DEPDC5: variants seen among roughly 807,000 people sequenced by gnomAD.
DEPDC5 encodes DEP domain containing 5, GATOR1 subcomplex subunit.
DEPDC5 carries 73 observed loss-of-function variants against 217.3 expected under a neutral mutation model. That is an observed-to-expected ratio of 0.34 (90% CI 0.28 to 0.41). DEPDC5 has a LOEUF of 0.41. Among genes scored for constraint, DEPDC5 ranks in the 10% least tolerant of loss-of-function variants. DEPDC5 has a pLI of 1.00. For synonymous variants in DEPDC5, 733 were observed against 756.7 expected, an observed-to-expected ratio of 0.97 and a Z score of 0.51; for missense variants, 1,675 against 2,070.1, an observed-to-expected ratio of 0.81 and a Z score of 3.70.
intron 21 of DEPDC5, among the ~76,000 whole-genome samples, chr22:31,818,258 C>A (rs181201562): frequency 1.3e-5 from 2 of 152,066 alleles, no homozygotes; most frequent in African/African-American, 2.4e-5. Context: ...TCCATTTCTT[C>A]GTTATTTTTT....
intron 37 of DEPDC5, among the ~76,000 whole-genome samples, chr22:31,877,817 T>C (rs2093047686): frequency 6.8e-6 from 1 of 147,246 alleles, no homozygotes; most frequent in Admixed American, 6.8e-5. Context: ...AGTACACCTA[T>C]AGCAAAAGGG....
intron 31 of DEPDC5, among the ~76,000 whole-genome samples, chr22:31,849,218 G>A (rs2091900864): frequency 6.6e-6 from 1 of 152,040 alleles, no homozygotes; most frequent in South Asian, 2.1e-4. Context: ...TTCCAAAGTC[G>A]CTTCCACATT....
rs1429290718 is a variant in DEPDC5 at position 31,775,370 on chromosome 22, G to A, written c.414-2729G>A. On this transcript the variant is annotated intron_variant, in intron 7 of 42. Transcript: ENST00000651528. The stretch of plus-strand genomic sequence containing the variant: ...AATTTTTGTGTTTTTAGTAAAGACA[G>A]GGTTTCACCATGTTGGCCAGGCTGG... Among the ~76,000 whole-genome samples, 4 of 152,054 alleles carry A rather than the reference G, an allele frequency of 2.6e-5. No homozygotes were observed. The East Asian group carries it at 5.8e-4, about 22-fold the overall frequency.
chr22:31,892,225 C>A (rs993968765), intron 38 of DEPDC5, among the ~76,000 whole-genome samples: 1 of 152,210 alleles, frequency 6.6e-6, no homozygotes, highest in Non-Finnish European at 1.5e-5. Flanking sequence ...AAGGCATCTT[C>A]CCTCCCTGGC....
intron 24 of DEPDC5, among the ~76,000 whole-genome samples, chr22:31,827,275 G>A (rs2090230000): frequency 6.6e-6 from 1 of 152,106 alleles, no homozygotes; most frequent in Non-Finnish European, 1.5e-5. Context: ...TTGACCTTAA[G>A]CTACCTGATC....
At chr22:31,785,097 T>A (rs748886956) in intron 10 of DEPDC5, 5 of 464,504 alleles carry the variant, frequency 1.1e-5, no homozygotes, top group African/African-American at 2.0e-5. Flanking sequence ...TCCCCCAAGA[T>A]CAGTAACAAG....
At chr22:31,774,591 A>G (rs993747749) in intron 7 of DEPDC5, among the ~76,000 whole-genome samples, 3 of 149,164 alleles carry the variant, frequency 2.0e-5, no homozygotes, top group East Asian at 4.3e-4. Flanking sequence ...CTGTAATCCC[A>G]GCACTTTGAG....
At chr22:31,860,234 G>C (rs370961039) in intron 32 of DEPDC5, among the ~76,000 whole-genome samples, 14 of 152,168 alleles carry the variant, frequency 9.2e-5, no homozygotes, top group African/African-American at 3.1e-4. Context: ...ATGCCCAACT[G>C]TTTCCCCAAG....
rs567430576 is a variant in DEPDC5, at chr22:31,887,419, CAAAAAAAAAA to C, written c.4034-6152_4034-6143del. On this transcript the variant is annotated intron_variant, in intron 38 of 42. Coordinates refer to ENST00000651528, the MANE Select transcript of DEPDC5 (RefSeq NM_001242896.3). ...GGGCAACAAAAGCGAAACTCTGTCT[CAAAAAAAAAA>C]AAAAAAAAAAGAGAAAAGTCATATG... is the stretch of plus-strand genomic sequence containing the variant. Among the ~76,000 whole-genome samples the C allele has an allele frequency of 7.2e-4, 47 of 65,688 alleles. 1 individual carries two copies. Among genetic ancestry groups the C allele is most frequent in the South Asian group, 2.5e-3 (4 of 1,632 alleles). 43.1% of individuals were successfully genotyped at this position (65,688 alleles called of 152,430 possible).
At chr22:31,810,967 G>A (rs1028385629) in intron 20 of DEPDC5, among the ~76,000 whole-genome samples, 22 of 151,970 alleles carry the variant, frequency 1.4e-4, no homozygotes, top group Non-Finnish European at 2.5e-4. Flanking sequence ...TAGAGATGGG[G>A]TTTTTCCATG....
chr22:31,907,023 C>CGG lies in DEPDC5; in HGVS notation c.*526_*527insGG. The CGG allele has an allele frequency of 6.3e-6, 1 of 159,288 alleles. No individual in the cohort carries two copies. Among genetic ancestry groups the CGG allele is most frequent in the Admixed American group, 5.9e-5 (1 of 16,906 alleles). The allele number at this position is 159,288 out of a possible 1,614,324, so 9.9% of individuals were successfully genotyped here. A position where few individuals can be genotyped will look rare whatever the true frequency, so the allele number is the denominator to read the frequency against. Reference sequence around the variant, plus strand: ...AGAGCTCCACGTGCATCATTTCTTTCCCCACCCAGTTCCCCACAGAAGCAG... The same window carrying CGG: ...AGAGCTCCACGTGCATCATTTCTTTCGGCCCACCCAGTTCCCCACAGAAGCAG... On this transcript the variant is annotated 3_prime_UTR_variant, in exon 43 of 43. Coordinates refer to ENST00000651528, the MANE Select transcript of DEPDC5 (RefSeq NM_001242896.3).
chr22:31,771,416 C>T (rs1157728397), intron 7 of DEPDC5, among the ~76,000 whole-genome samples: 1 of 152,052 alleles, frequency 6.6e-6, no homozygotes, highest in East Asian at 1.9e-4. Flanking sequence ...AAGACCTCAT[C>T]TCTACAGAAA....
intron 7 of DEPDC5, 137 bp from the exon 8 acceptor site, chr22:31,777,962 G>C: frequency 1.2e-6 from 1 of 851,172 alleles, no homozygotes; most frequent in Non-Finnish European, 1.9e-6. Context: ...TGTCCAGGCT[G>C]GTCTCGAAGT....
intron 31 of DEPDC5, among the ~76,000 whole-genome samples, chr22:31,855,797 A>G (rs1175529416): frequency 6.6e-6 from 1 of 151,914 alleles, no homozygotes; most frequent in Non-Finnish European, 1.5e-5. Flanking sequence ...TTACTTTTGT[A>G]TATGTTTGTA....
At chr22:31,864,739 A>C (rs1020576384) in intron 33 of DEPDC5, among the ~76,000 whole-genome samples, 1 of 151,702 alleles carries the variant, frequency 6.6e-6, no homozygotes, top group South Asian at 2.1e-4. Flanking sequence ...CCCAGGCTCA[A>C]ATGCAGTGGT....
chr22:31,862,855 G>A (rs1368504858), intron 33 of DEPDC5, among the ~76,000 whole-genome samples: 1 of 152,184 alleles, frequency 6.6e-6, no homozygotes, highest in African/African-American at 2.4e-5. Context: ...CTGAGTGTGG[G>A]TAGCACACTG....
intron 20 of DEPDC5, among the ~76,000 whole-genome samples, chr22:31,812,262 G>A (rs2088460458): frequency 1.3e-5 from 2 of 151,786 alleles, no homozygotes; most frequent in African/African-American, 4.8e-5. Flanking sequence ...AAAGTGCTGG[G>A]GTTACAGAAT....
intron 33 of DEPDC5, 147 bp downstream of exon 33, chr22:31,861,580 C>A: frequency 1.2e-6 from 1 of 822,214 alleles, no homozygotes; most frequent in Non-Finnish European, 2.0e-6. Context: ...ATTGTACATT[C>A]TCTTCCATGT....
At chr22:31,828,868 A>G (rs2090369338) in intron 24 of DEPDC5, among the ~76,000 whole-genome samples, 1 of 152,234 alleles carries the variant, frequency 6.6e-6, no homozygotes, top group Non-Finnish European at 1.5e-5. Flanking sequence ...CTTTCAAGCA[A>G]TTCCCATGTG....
Sources: gnomAD v4.1 joint callset for allele counts (sites outside exome capture counted in the v4.1 genomes callset) on GRCh38, gnomAD v4.1.1 for gene constraint, MANE v1.5 for transcripts, NCBI Gene and HGNC (gene_info 2026-07-23, HGNC 2026-07-21) for gene names.